The following TUBGCP4 variants were observed in gnomAD, a reference collection of about 807,000 sequenced individuals.
TUBGCP4 encodes the protein tubulin gamma complex component 4.
Under a neutral mutation model 91.6 loss-of-function variants are expected in TUBGCP4, and 54 were observed. That is an observed-to-expected ratio of 0.59 (90% CI 0.47 to 0.74). TUBGCP4 has a LOEUF of 0.74. TUBGCP4 is among the 30% of genes least tolerant of loss of function. The pLI is 0.00. For missense variants in TUBGCP4, 593 were observed against 800.9 expected (o/e 0.74, Z 3.13); for synonymous variants, 297 against 302.8 (o/e 0.98, Z 0.20).
Position 43,381,881 on chromosome 15 carries a change from TCA to T in TUBGCP4, c.522-1419_522-1418del, listed in dbSNP as rs2044290510. On this transcript the variant is annotated intron_variant, in intron 6 of 17. Coordinates refer to ENST00000564079, the MANE Select transcript of TUBGCP4 (RefSeq NM_014444.5). ...TTTTTGCAGAGTCATTTGAAAGTAG[TCA>T]CAGATACCCTAACACTTAAATACTT... Among the ~76,000 whole-genome samples, 5 of 152,322 alleles carry T rather than the reference TCA, an allele frequency of 3.3e-5. No homozygotes were observed. In the South Asian group the frequency reaches 1.0e-3, roughly 32 times the overall value.
At position 43,407,437 on chromosome 15, in the gene TUBGCP4, C is replaced by T. The variant is rs757324569; in HGVS notation, c.*2223C>T. ...TTGGATGCTGCTTGAATCCAATTCT[C>T]TCCCCAACAATGAGGCACTGGATCA... On this transcript the variant is annotated 3_prime_UTR_variant, in exon 18 of 18. Coordinates refer to ENST00000564079, the MANE Select transcript of TUBGCP4 (RefSeq NM_014444.5). The T allele has an allele frequency of 1.2e-6, 2 of 1,614,214 alleles. No individual in the cohort carries two copies. The highest frequency in any genetic ancestry group is 2.2e-5 in the South Asian group (2 of 91,082).
Position 43,380,172 on chromosome 15 carries a change from T to C in TUBGCP4, c.521+9T>C, listed in dbSNP as rs1252087899. On this transcript the variant is annotated intron_variant, in intron 6 of 17. Coordinates refer to ENST00000564079, the MANE Select transcript of TUBGCP4 (RefSeq NM_014444.5). ...CGAAGTGCACTGGAAAAGTAAGTCA[T>C]GGCTTAACTGGGAATTGGTGGTGGA... 1 of 1,612,162 alleles carries C rather than the reference T, an allele frequency of 6.2e-7. No individual in the cohort carries two copies. The highest frequency in any genetic ancestry group is 2.2e-5 in the East Asian group (1 of 44,880).
At position 43,408,175 on chromosome 15, in the gene TUBGCP4, T is replaced by G; in HGVS notation, c.*2961T>G. ...GCAAAGGGACTCATGTACATCTGAA[T>G]GCTTTCAAAAATAAATGCCCCATCA... On this transcript the variant is annotated 3_prime_UTR_variant, in exon 18 of 18. Coordinates refer to ENST00000564079, the MANE Select transcript of TUBGCP4 (RefSeq NM_014444.5). 7.4e-7 allele frequency: 1 copy of G among 1,352,374 alleles called. No homozygotes were observed. The highest frequency in any genetic ancestry group is 1.0e-6 in the Non-Finnish European group (1 of 982,710). The allele number at this position is 1,352,374 out of a possible 1,614,324, so 83.8% of individuals were successfully genotyped here. A position where few individuals can be genotyped will look rare whatever the true frequency, so the allele number is the denominator to read the frequency against.
chr15:43,401,917 T>C, intron 15 of TUBGCP4, 67 bp downstream of exon 15: 5 of 1,563,954 alleles, frequency 3.2e-6, no homozygotes, highest in Admixed American at 1.9e-5. Context: ...GCAGTTTGAG[T>C]TGACAGGATA....
intron 14 of TUBGCP4, 139 bp downstream of exon 14, chr15:43,400,360 G>T: frequency 1.8e-6 from 1 of 548,878 alleles, no homozygotes; most frequent in Admixed American, 3.3e-5. Context: ...ATATCACCAA[G>T]CATGTTTCTT....
intron 1 of TUBGCP4, among the ~76,000 whole-genome samples, chr15:43,372,223 C>T (rs2044135101): frequency 6.6e-6 from 1 of 152,094 alleles, no homozygotes; most frequent in South Asian, 2.1e-4. Flanking sequence ...GCTCAGAAAA[C>T]TTTATGCTGG....
chr15:43,403,636 G>A, intron 15 of TUBGCP4, 47 bp from the exon 16 acceptor site: 2 of 1,363,776 alleles, frequency 1.5e-6, no homozygotes, highest in Non-Finnish European at 2.1e-6. Context: ...TAACTTCATG[G>A]ATGTACCTTC....
intron 1 of TUBGCP4, among the ~76,000 whole-genome samples, chr15:43,374,875 G>A (rs747696915): frequency 6.6e-6 from 1 of 152,220 alleles, no homozygotes; most frequent in Admixed American, 6.5e-5. Context: ...TGGATGAGCT[G>A]AAATAAGCCA....
rs2044842533 is a variant in TUBGCP4, at chr15:43,405,598, A to G, written c.*384A>G. Reference sequence around the variant, plus strand: ...TAAATATTTTATGGTTCATATGTGAAAAAGTAATTATGTTTATAAATAGAC... The same window carrying G: ...TAAATATTTTATGGTTCATATGTGAGAAAGTAATTATGTTTATAAATAGAC... On this transcript the variant is annotated 3_prime_UTR_variant, in exon 18 of 18. Transcript: ENST00000564079. The G allele has an allele frequency of 5.1e-6, 1 of 197,428 alleles. No individual in the cohort carries two copies. The allele number at this position is 197,428 out of a possible 1,614,324, so 12.2% of individuals were successfully genotyped here.
Position 43,385,877 on chromosome 15 carries a change from G to A in TUBGCP4, c.810G>A (p.Val270=). ...RVEILPSYIP[V]RVAEKILFVG... is the part of the protein sequence containing the mutation. ...AGATTTTGCCATCCTACATTCCAGT[G>A]AGGGTTGCTGAAAAAATCCTATTTG... Residue 270 remains valine (V), a synonymous_variant, in exon 8 of 18, where the codon GTG becomes GTA. Transcript: ENST00000564079. 6.2e-7 allele frequency: 1 copy of A among 1,614,122 alleles called. No individual in the cohort carries two copies. The highest frequency in any genetic ancestry group is 8.5e-7 in the Non-Finnish European group (1 of 1,180,012).
In TUBGCP4 at chr15:43,409,109, A is replaced by C. The variant is rs45490398; in HGVS notation, c.*3895A>C. 1,005 of 1,613,758 alleles carry C rather than the reference A, an allele frequency of 6.2e-4. 3 individuals are homozygous for C. The highest frequency in any genetic ancestry group is 5.0e-3 in the African/African-American group (372 of 75,052). ...AAGCTGTGTTACACTGCAAGAAAAG[A>C]AGCAGAGCCAATGGGTTTGGTGACT... On this transcript the variant is annotated 3_prime_UTR_variant, in exon 18 of 18. Coordinates refer to ENST00000564079, the MANE Select transcript of TUBGCP4 (RefSeq NM_014444.5).
At position 43,379,640 on chromosome 15, in the gene TUBGCP4, CAAAAAAA is replaced by C. The variant is rs1166566829; in HGVS notation, c.442-428_442-422del. On this transcript the variant is annotated intron_variant, in intron 5 of 17. Transcript: ENST00000564079. ...TGGGCGACAGAGCAAGACTCCGTCTCAAAAAAAAAAAAAAAAAAAAAAGTCTGAAGAA... is the reference window on the plus strand; with the variant it reads ...TGGGCGACAGAGCAAGACTCCGTCTCAAAAAAAAAAAAAAAGTCTGAAGAA... Among the ~76,000 whole-genome samples the C allele has an allele frequency of 8.0e-5, 5 of 62,344 alleles. No individual in the cohort carries two copies. The East Asian group carries it at 1.5e-3, about 18-fold the overall frequency. The allele number at this position is 62,344 out of a possible 152,430, so 40.9% of individuals were successfully genotyped here.
chr15:43,378,034 C>G, intron 5 of TUBGCP4, 131 bp downstream of exon 5: 1 of 657,388 alleles, frequency 1.5e-6, no homozygotes, highest in East Asian at 3.1e-5. Context: ...TTAACAATAT[C>G]TGCTTGGTTA....
intron 9 of TUBGCP4, among the ~76,000 whole-genome samples, chr15:43,387,036 T>A (rs572523326): frequency 5.3e-5 from 8 of 152,362 alleles, no homozygotes; most frequent in African/African-American, 1.9e-4. Flanking sequence ...AATCAACTAA[T>A]TCTGACTAAA....
Position 43,371,173 on chromosome 15 carries a change from G to T in TUBGCP4, c.-182G>T. The T allele has an allele frequency of 7.8e-6, 5 of 643,376 alleles. No homozygotes were observed. Among genetic ancestry groups the T allele is most frequent in the South Asian group, 7.0e-5 (4 of 57,120 alleles). The allele number at this position is 643,376 out of a possible 1,614,324, so 39.9% of individuals were successfully genotyped here. ...TGCCGAACTTCCGGGACTCCCCCGCGACCCCTTCCCAGCTTCCCGTCCGCT... is the reference window on the plus strand; with the variant it reads ...TGCCGAACTTCCGGGACTCCCCCGCTACCCCTTCCCAGCTTCCCGTCCGCT... On this transcript the variant is annotated 5_prime_UTR_variant, in exon 1 of 18. Coordinates refer to ENST00000564079, the MANE Select transcript of TUBGCP4 (RefSeq NM_014444.5).
At chr15:43,393,636 C>T (rs916003737) in intron 9 of TUBGCP4, among the ~76,000 whole-genome samples, 1 of 151,976 alleles carries the variant, frequency 6.6e-6, no homozygotes, top group African/African-American at 2.4e-5. Flanking sequence ...GTGATGTTCC[C>T]CTTCCTGTGT....
chr15:43,399,067 A>G (rs1235174586), intron 13 of TUBGCP4: 7 of 1,114,656 alleles, frequency 6.3e-6, no homozygotes, highest in Non-Finnish European at 8.2e-6. Context: ...TGTTCAAATC[A>G]GTTTCCAAAC....
rs541825728 is a variant in TUBGCP4, at chr15:43,397,453, T to A, written c.1279+132T>A. ...AAATCAGCTAGTACAGTACTATAAT[T>A]CTATAGAGAAGAAAAGGAAAGTCCA... On this transcript the variant is annotated intron_variant, in intron 12 of 17. Transcript: ENST00000564079. The A allele has an allele frequency of 5.0e-5, 35 of 694,872 alleles. 2 individuals are homozygous for A. The South Asian group carries it at 6.1e-4, about 12-fold the overall frequency. 43.0% of individuals were successfully genotyped at this position (694,872 alleles called of 1,614,324 possible).
chr15:43,378,863 T>C (rs1043691362), intron 5 of TUBGCP4, among the ~76,000 whole-genome samples: 1 of 152,230 alleles, frequency 6.6e-6, no homozygotes, highest in Non-Finnish European at 1.5e-5. Context: ...CAGATAGTAG[T>C]AAATGGGTTT....
Sources: allele counts gnomAD v4.1 joint callset (sites outside exome capture counted in the v4.1 genomes callset), GRCh38; gene constraint gnomAD v4.1.1; transcripts MANE v1.5; gene names NCBI Gene and HGNC (gene_info 2026-07-23, HGNC 2026-07-21).